ELP5: variants seen among roughly 807,000 people sequenced by gnomAD.
ELP5 encodes elongator complex protein 5.
ELP5 carries 34 observed loss-of-function variants against 33.4 expected under a neutral mutation model. The ratio of observed to expected loss-of-function variants is 1.02; its 90% CI spans 0.78 to 1.36. The LOEUF is 1.36. Among genes scored for constraint, ELP5 ranks in the 40% most tolerant of loss-of-function variants. The pLI, the probability that ELP5 is intolerant of heterozygous loss-of-function variation, is 0.00. For synonymous variants in ELP5, 161 were observed against 146.4 expected, an observed-to-expected ratio of 1.10 and a Z score of -0.72; for missense variants, 373 against 371.7, an observed-to-expected ratio of 1.00 and a Z score of -0.03.
At chr17:7,259,062 C>T (rs1363129225) in intron 7 of ELP5, 136 bp downstream of exon 7, 7 of 1,483,760 alleles carry the variant, frequency 4.7e-6, no homozygotes, top group Non-Finnish European at 6.2e-6. Flanking sequence ...AGTCCAAGTT[C>T]TTGATCCACC....
intron 4 of ELP5, among the ~76,000 whole-genome samples, chr17:7,256,362 A>G (rs1229014718): frequency 6.6e-6 from 1 of 152,196 alleles, no homozygotes; most frequent in Admixed American, 6.5e-5. Flanking sequence ...AAGAAAAAAA[A>G]ATTGTTAAAT....
Position 7,259,707 on chromosome 17 carries a change from G to A in ELP5, c.*22G>A. 1 of 1,614,118 alleles carries A rather than the reference G, an allele frequency of 6.2e-7. No individual in the cohort carries two copies. The highest frequency in any genetic ancestry group is 1.1e-5 in the South Asian group (1 of 91,084). ...TTGACTGGCCAGATTTGATTAGATTGTAATTGGAGGGGGCGCGGGAAGACT... is the reference window on the plus strand; with the variant it reads ...TTGACTGGCCAGATTTGATTAGATTATAATTGGAGGGGGCGCGGGAAGACT... On this transcript the variant is annotated 3_prime_UTR_variant, in exon 8 of 8. Transcript: ENST00000396628.
intron 5 of ELP5, among the ~76,000 whole-genome samples, chr17:7,258,271 A>G (rs2072121959): frequency 6.6e-6 from 1 of 151,960 alleles, no homozygotes; most frequent in African/African-American, 2.4e-5. Flanking sequence ...CAATATAGCA[A>G]AACCCCATCT....
In ELP5 at chr17:7,252,613, C is replaced by T. The variant is rs373386382; in HGVS notation, c.46+17C>T. The T allele has an allele frequency of 8.7e-6, 14 of 1,608,252 alleles. No individual in the cohort carries two copies. The African/African-American group carries it at 1.5e-4, about 17-fold the overall frequency. On this transcript the variant is annotated intron_variant, in intron 1 of 7. Coordinates refer to ENST00000396628, the MANE Select transcript of ELP5 (RefSeq NM_203414.3). ...TGCTTCGGGGTGAGAGCCAGAGGCA[C>T]GGTGGCGGGGCGGGGGGTGCGGTTC...
At chr17:7,259,275 A>G (rs978422555) in intron 7 of ELP5, 1 of 1,375,102 alleles carries the variant, frequency 7.3e-7, no homozygotes, top group East Asian at 2.8e-5. Context: ...ACAAGGGCTT[A>G]GTACACGCTT....
At chr17:7,257,282 C>T (rs773878568) in intron 5 of ELP5, among the ~76,000 whole-genome samples, 1 of 151,860 alleles carries the variant, frequency 6.6e-6, no homozygotes, top group African/African-American at 2.4e-5. Flanking sequence ...TCAGTGAGAC[C>T]TTTTTTTAAA....
At chr17:7,259,360 C>T (rs765228722) in intron 7 of ELP5, 464 of 1,402,742 alleles carry the variant, frequency 3.3e-4, no homozygotes, top group Middle Eastern at 5.3e-4. Flanking sequence ...TAGGAACTTA[C>T]GGTTTTATTA....
chr17:7,252,980 A>G lies in ELP5; in HGVS notation c.170A>G (p.Asp57Gly), dbSNP rs2071984447. ...VSEEEFREGFDSDINNRLVYH... is the reference protein window; with the variant it reads ...VSEEEFREGFGSDINNRLVYH... ...GAGGAAGAGTTTCGTGAAGGTTTTG[A>G]CTCTGATATCAACAATCGGTAAGTA... Residue 57 changes from aspartate (D) to glycine (G), a missense_variant, in exon 3 of 8, where the codon GAC becomes GGC. By Grantham distance (94) the Asp-to-Gly change is moderately conservative (BLOSUM62 -1). Coordinates refer to ENST00000396628, the MANE Select transcript of ELP5 (RefSeq NM_203414.3). The G allele has an allele frequency of 6.2e-7, 1 of 1,613,970 alleles. No individual in the cohort carries two copies. The highest frequency in any genetic ancestry group is 1.3e-5 in the African/African-American group (1 of 74,882).
chr17:7,258,779 G>A (rs776104705), intron 6 of ELP5, 47 bp from the exon 7 acceptor site: 1 of 1,614,132 alleles, frequency 6.2e-7, no homozygotes, highest in South Asian at 1.1e-5. Context: ...GGTGGGGTCA[G>A]GGATTCTAGG....
intron 1 of ELP5, 29 bp from the exon 2 acceptor site, chr17:7,252,741 A>G (rs1359940245): frequency 1.2e-5 from 19 of 1,613,776 alleles, no homozygotes; most frequent in Non-Finnish European, 1.6e-5. Context: ...CAGCGCTCTC[A>G]TACCCTTTAT....
rs2071955310 is a variant in ELP5, at chr17:7,252,412, A to C, written c.-139A>C. ...CCCCCTGGGAATATTGAACATAATC[A>C]CCTCTCATTCCAGACTATGTTAGGT... On this transcript the variant is annotated 5_prime_UTR_variant, in exon 1 of 8. Transcript: ENST00000396628. 1.4e-5 allele frequency: 19 copies of C among 1,320,136 alleles called. No homozygotes were observed. The South Asian group carries it at 2.4e-4, about 16-fold the overall frequency. 81.8% of individuals were successfully genotyped at this position (1,320,136 alleles called of 1,614,324 possible).
rs2143000085 is a variant in ELP5, at chr17:7,252,932, A to T, written c.122A>T (p.His41Leu). The T allele has an allele frequency of 6.2e-7, 1 of 1,614,190 alleles. No individual in the cohort carries two copies. Among genetic ancestry groups the T allele is most frequent in the Non-Finnish European group, 8.5e-7 (1 of 1,180,030 alleles). The stretch of plus-strand genomic sequence containing the variant: ...CTCTGCCTTAGTGGGGAGCAAGTGC[A>T]TATCCTGGGCTGTGAAGTGAGCGAG... ...KKSALCGEQV[H>L]ILGCEVSEEE... Residue 41 changes from histidine to leucine, a missense_variant, in exon 3 of 8, where the codon CAT (histidine) becomes CTT (leucine). Transcript: ENST00000396628.
chr17:7,252,285 C>T lies in ELP5; in HGVS notation c.-266C>T, dbSNP rs1237169480. ...CTCCCCCTCCCACTGACAACTGCCC[C>T]AACTGCTCTTCCCGCCCCGGTCACA... On this transcript the variant is annotated 5_prime_UTR_variant, in exon 1 of 8. Transcript: ENST00000396628. 5.4e-6 allele frequency: 3 copies of T among 559,666 alleles called. No individual in the cohort carries two copies. Among genetic ancestry groups the T allele is most frequent in the South Asian group, 1.9e-5 (1 of 52,420 alleles). 34.7% of individuals were successfully genotyped at this position (559,666 alleles called of 1,614,324 possible). A position where few individuals can be genotyped will look rare whatever the true frequency, so the allele number is the denominator to read the frequency against.
intron 1 of ELP5, 45 bp downstream of exon 1, chr17:7,252,641 G>C (rs1330482213): frequency 6.2e-7 from 1 of 1,603,972 alleles, no homozygotes; most frequent in East Asian, 2.2e-5. Flanking sequence ...TGCGGTTCGG[G>C]CCTGGCTGAG....
intron 7 of ELP5, chr17:7,259,136 C>G: frequency 7.0e-7 from 1 of 1,421,758 alleles, no homozygotes; most frequent in South Asian, 1.5e-5. Context: ...CCTTGGGTCA[C>G]AGCTCCAGTT....
intron 5 of ELP5, among the ~76,000 whole-genome samples, chr17:7,257,732 C>T (rs914130799): frequency 3.3e-5 from 5 of 152,244 alleles, no homozygotes; most frequent in East Asian, 1.9e-4. Context: ...CCACTGCACC[C>T]GGCCCAAGGA....
intron 3 of ELP5, 26 bp from the exon 4 acceptor site, chr17:7,254,557 T>C: frequency 1.3e-6 from 2 of 1,561,136 alleles, no homozygotes; most frequent in South Asian, 1.1e-5. Context: ...GGCAATATTA[T>C]ATTGTGTCTT....
chr17:7,259,525 C>T lies in ELP5; in HGVS notation c.789-46C>T, dbSNP rs770541603. The T allele has an allele frequency of 1.9e-6, 3 of 1,611,430 alleles. No homozygotes were observed. In the Admixed American group the frequency reaches 5.0e-5, roughly 27 times the overall value. ...GTCACCTGGAAGAAAGTATCCAGAC[C>T]CAACCTGTTAGCTACCCTCACCAGC... On this transcript the variant is annotated intron_variant, in intron 7 of 7. Transcript: ENST00000396628.
intron 7 of ELP5, 41 bp downstream of exon 7, chr17:7,258,967 C>G: frequency 1.2e-6 from 2 of 1,613,360 alleles, no homozygotes; most frequent in Non-Finnish European, 1.7e-6. Context: ...TGAGTAGATC[C>G]CAGCATCTGG....
Sources: gnomAD v4.1 joint callset for allele counts (sites outside exome capture counted in the v4.1 genomes callset) on GRCh38, gnomAD v4.1.1 for gene constraint, MANE v1.5 for transcripts, NCBI Gene and HGNC (gene_info 2026-07-23, HGNC 2026-07-21) for gene names.